The following CCDC178 variants were observed in gnomAD, a reference collection of about 807,000 sequenced individuals.
The protein encoded by CCDC178 is coiled-coil domain-containing protein 178.
A neutral mutation model predicts 117.4 loss-of-function variants in CCDC178; 126 were observed. The ratio of observed to expected loss-of-function variants is 1.07; its 90% CI spans 0.93 to 1.24. CCDC178 has a LOEUF of 1.24. Ranked by LOEUF, CCDC178 falls within the 50% of genes most tolerant of loss-of-function variation. The pLI is 0.00. For missense variants in CCDC178, 1,030 were observed against 986.9 expected, an observed-to-expected ratio of 1.04 and a Z score of -0.59; for synonymous variants, 283 against 313.4, an observed-to-expected ratio of 0.90 and a Z score of 1.02.
intron 20 of CCDC178, among the ~76,000 whole-genome samples, chr18:33,123,793 C>A (rs2057967866): frequency 6.6e-6 from 1 of 152,064 alleles, no homozygotes; most frequent in South Asian, 2.1e-4. Context: ...TCTCAGACCA[C>A]AAAGGGTTTC....
In CCDC178 at chr18:33,092,758, T is replaced by C. The variant is rs113820962; in HGVS notation, c.2388+3A>G. 1 of 1,519,992 alleles carries C rather than the reference T, an allele frequency of 6.6e-7. No individual in the cohort carries two copies. 94.2% of individuals were successfully genotyped at this position (1,519,992 alleles called of 1,614,324 possible). A position where few individuals can be genotyped will look rare whatever the true frequency, so the allele number is the denominator to read the frequency against. On this transcript the variant is annotated splice_donor_region_variant and intron_variant, in intron 21 of 22. Transcript: ENST00000383096. ...ACCTTAAAACAATTAGAAAAACCAATACCTGTTTCTTATCTCTAATTGAAG... is the reference window on the plus strand; with the variant it reads ...ACCTTAAAACAATTAGAAAAACCAACACCTGTTTCTTATCTCTAATTGAAG...
intron 2 of CCDC178, among the ~76,000 whole-genome samples, chr18:33,421,253 A>G (rs558323294): frequency 6.6e-6 from 1 of 152,332 alleles, no homozygotes; most frequent in South Asian, 2.1e-4. Context: ...CAAAAGTATA[A>G]ACTAACAACA....
At chr18:33,205,140 A>G (rs2059033349) in intron 20 of CCDC178, among the ~76,000 whole-genome samples, 1 of 152,098 alleles carries the variant, frequency 6.6e-6, no homozygotes. Context: ...TTAAATGACA[A>G]TAGTATACAT....
intron 21 of CCDC178, among the ~76,000 whole-genome samples, chr18:33,018,475 TAGAAACA>T (rs2056043434): frequency 6.6e-6 from 1 of 151,934 alleles, no homozygotes. Flanking sequence ...ACCCTCAAAG[TAGAAACA>T]ACCCAAATGC....
At chr18:33,016,739 CACTAACAAATTA>C (rs1191256762) in intron 21 of CCDC178, among the ~76,000 whole-genome samples, 3 of 151,732 alleles carry the variant, frequency 2.0e-5, no homozygotes, top group African/African-American at 4.8e-5. Flanking sequence ...CCAGTGTAAC[CACTAACAAATTA>C]ACTCAAAACA....
chr18:33,243,004 T>G (rs551526230), intron 15 of CCDC178, among the ~76,000 whole-genome samples: 1 of 151,976 alleles, frequency 6.6e-6, no homozygotes, highest in Admixed American at 6.6e-5. Context: ...TCAAATTAGG[T>G]GTCCAACAAC....
intron 21 of CCDC178, among the ~76,000 whole-genome samples, chr18:33,081,851 C>T (rs2057303058): frequency 6.6e-6 from 1 of 151,970 alleles, no homozygotes; most frequent in Admixed American, 6.6e-5. Flanking sequence ...CAGTGATTTA[C>T]TATGATGGAA....
At chr18:33,406,453 A>G (rs902500888) in intron 3 of CCDC178, among the ~76,000 whole-genome samples, 6 of 152,056 alleles carry the variant, frequency 3.9e-5, no homozygotes, top group African/African-American at 1.2e-4. Context: ...ATATAAAATA[A>G]TAGTATTACA....
chr18:33,426,660 G>A (rs1352185976), intron 2 of CCDC178, among the ~76,000 whole-genome samples: 4 of 151,962 alleles, frequency 2.6e-5, no homozygotes, highest in Admixed American at 2.0e-4. Flanking sequence ...ACTACAAAAC[G>A]TATTTGCTTT....
chr18:33,227,532 ATG>A (rs750171342), intron 15 of CCDC178, among the ~76,000 whole-genome samples: 1,793 of 121,478 alleles, frequency 0.015, 13 homozygotes, highest in South Asian at 0.024. Context: ...AGATATATGT[ATG>A]TGTGTGTGTG....
At chr18:33,231,810 ACCCTATGTTGAGACACAAC>A (rs1358636177) in intron 15 of CCDC178, among the ~76,000 whole-genome samples, 1 of 152,010 alleles carries the variant, frequency 6.6e-6, no homozygotes, top group Non-Finnish European at 1.5e-5. Flanking sequence ...CTGCTGCTGA[ACCCTATGTTGAGACACAAC>A]CCCACCCTCT....
chr18:33,316,228 G>A (rs1237505362), intron 11 of CCDC178, among the ~76,000 whole-genome samples: 1 of 152,176 alleles, frequency 6.6e-6, no homozygotes, highest in Non-Finnish European at 1.5e-5. Context: ...AGGTGTGGAG[G>A]GAGAGGCGCC....
At chr18:33,264,255 T>C (rs1294123004) in intron 14 of CCDC178, among the ~76,000 whole-genome samples, 1 of 152,086 alleles carries the variant, frequency 6.6e-6, no homozygotes, top group Non-Finnish European at 1.5e-5. Flanking sequence ...TTTGCATATA[T>C]ACATAAATGT....
chr18:33,100,391 T>C (rs2057607698), intron 20 of CCDC178, among the ~76,000 whole-genome samples: 1 of 151,976 alleles, frequency 6.6e-6, no homozygotes, highest in Non-Finnish European at 1.5e-5. Context: ...CAAGAATTAT[T>C]GATAATAACA....
At chr18:32,941,281 G>C (rs1598707566) in intron 22 of CCDC178, among the ~76,000 whole-genome samples, 1 of 152,148 alleles carries the variant, frequency 6.6e-6, no homozygotes, top group Admixed American at 6.5e-5. Context: ...TTCTAGATTT[G>C]AGAATATACT....
At chr18:33,068,960 A>T (rs2057065231) in intron 21 of CCDC178, among the ~76,000 whole-genome samples, 1 of 152,126 alleles carries the variant, frequency 6.6e-6, no homozygotes, top group South Asian at 2.1e-4. Context: ...TAATAAATGA[A>T]CTCAGTAAGT....
intron 21 of CCDC178, among the ~76,000 whole-genome samples, chr18:33,030,505 C>G (rs1159734069): frequency 6.8e-6 from 1 of 147,976 alleles, no homozygotes; most frequent in Admixed American, 6.9e-5. Flanking sequence ...TTGGAGTTCT[C>G]CAGACAGAAC....
At chr18:33,367,010 C>T (rs533737212) in intron 6 of CCDC178, among the ~76,000 whole-genome samples, 1 of 152,136 alleles carries the variant, frequency 6.6e-6, no homozygotes, top group African/African-American at 2.4e-5. Context: ...CTGCATTTCC[C>T]TCAGACATTC....
Position 33,288,324 on chromosome 18 carries a change from TCTTCCCTCCTCTCTC to T in CCDC178, c.1176+4820_1176+4834del, listed in dbSNP as rs1274828350. ...TCTCTCCTCCCCTCCTCTCCCCTCC[TCTTCCCTCCTCTCTC>T]CTCCCCTCCTGTCCCCTCCTCTCCC... On this transcript the variant is annotated intron_variant, in intron 12 of 22. Transcript: ENST00000383096. 3.3e-3 allele frequency among the ~76,000 whole-genome samples: 285 copies of T among 86,548 alleles called. 5 individuals are homozygous for T. Among genetic ancestry groups the T allele is most frequent in the African/African-American group, 0.011 (233 of 21,478 alleles). 56.8% of individuals were successfully genotyped at this position (86,548 alleles called of 152,430 possible).
Sources: gnomAD v4.1 joint callset for allele counts (sites outside exome capture counted in the v4.1 genomes callset) on GRCh38, gnomAD v4.1.1 for gene constraint, MANE v1.5 for transcripts, NCBI Gene and HGNC (gene_info 2026-07-23, HGNC 2026-07-21) for gene names.